The following MAML3 variants were observed in gnomAD, a reference collection of about 807,000 sequenced individuals.
MAML3 encodes mastermind-like protein 3.
In MAML3, 27 loss-of-function variants were observed where a neutral mutation model predicts 101.9. The observed-to-expected ratio is 0.27, with a 90% CI of 0.20 to 0.37. MAML3 has a LOEUF of 0.37. Ranked by LOEUF, MAML3 falls within the 10% of genes least tolerant of loss-of-function variation. The pLI is 1.00. For missense variants in MAML3, 1,316 were observed against 1,444.9 expected (o/e 0.91, Z 1.45); for synonymous variants, 501 against 555.9 (o/e 0.90, Z 1.39).
intron 1 of MAML3, among the ~76,000 whole-genome samples, chr4:140,123,004 C>G (rs183519782): frequency 6.6e-6 from 1 of 151,810 alleles, no homozygotes; most frequent in African/African-American, 2.4e-5. Flanking sequence ...CTCCTATTCT[C>G]TAGTAAACCA....
intron 1 of MAML3, among the ~76,000 whole-genome samples, chr4:139,994,786 G>GGTGTGT (rs59077923): frequency 2.7e-5 from 4 of 150,118 alleles, no homozygotes; most frequent in East Asian, 3.9e-4. Flanking sequence ...GCTGGTGGGG[G>GGTGTGT]GTGTGTGTGT....
At chr4:140,127,118 C>T (rs1013635117) in intron 1 of MAML3, among the ~76,000 whole-genome samples, 3 of 152,198 alleles carry the variant, frequency 2.0e-5, no homozygotes, top group South Asian at 2.1e-4. Context: ...TGCTTCTGAG[C>T]GTGGCAGATA....
At chr4:139,752,632 C>G (rs1018898985) in intron 2 of MAML3, among the ~76,000 whole-genome samples, 3 of 152,130 alleles carry the variant, frequency 2.0e-5, no homozygotes, top group African/African-American at 7.2e-5. Context: ...CTGTATTTTT[C>G]TAAATGATAA....
At chr4:140,078,787 A>C (rs954047548) in intron 1 of MAML3, among the ~76,000 whole-genome samples, 5 of 152,136 alleles carry the variant, frequency 3.3e-5, no homozygotes, top group African/African-American at 1.2e-4. Flanking sequence ...GCCGGACTCC[A>C]AGAAAAGGGA....
At chr4:140,018,185 G>A (rs138528542) in intron 1 of MAML3, among the ~76,000 whole-genome samples, 2 of 152,088 alleles carry the variant, frequency 1.3e-5, no homozygotes, top group African/African-American at 4.8e-5. Flanking sequence ...AAACCTCTGG[G>A]TGCTCCCCTT....
intron 1 of MAML3, among the ~76,000 whole-genome samples, chr4:139,912,638 A>G (rs1418885289): frequency 6.6e-6 from 1 of 152,148 alleles, no homozygotes; most frequent in Non-Finnish European, 1.5e-5. Flanking sequence ...AGCTGGTATC[A>G]TCTTATAAGA....
At chr4:140,018,016 A>T (rs569574405) in intron 1 of MAML3, among the ~76,000 whole-genome samples, 54 of 152,200 alleles carry the variant, frequency 3.5e-4, no homozygotes, top group African/African-American at 1.3e-3. Context: ...AATTTTAAAA[A>T]TACAAAAAGG....
In MAML3 at chr4:139,830,516, G is replaced by A. The variant is rs556502376; in HGVS notation, c.2079+58841C>T. ...TGCAAGCGCCGCCTCCCGGGTTCCC[G>A]CCATTCTCCTGCCTCAGCCTCCCAA... On this transcript the variant is annotated intron_variant, in intron 2 of 4. Coordinates refer to ENST00000509479, the MANE Select transcript of MAML3 (RefSeq NM_018717.5). Among the ~76,000 whole-genome samples, 191 of 145,822 alleles carry A rather than the reference G, an allele frequency of 1.3e-3. 2 individuals are homozygous for A. Among genetic ancestry groups the A allele is most frequent in the African/African-American group, 3.3e-3 (130 of 38,884 alleles).
intron 1 of MAML3, among the ~76,000 whole-genome samples, chr4:139,919,791 TTGGTAA>T (rs1733090418): frequency 2.6e-5 from 4 of 152,242 alleles, no homozygotes; most frequent in Non-Finnish European, 5.9e-5. Flanking sequence ...GGGATTAAGC[TTGGTAA>T]AGTCATGTAA....
chr4:139,927,661 G>A (rs1733292394), intron 1 of MAML3, among the ~76,000 whole-genome samples: 1 of 152,030 alleles, frequency 6.6e-6, no homozygotes, highest in Non-Finnish European at 1.5e-5. Context: ...ATGGACTTCT[G>A]GCTATTACGT....
chr4:140,014,919 G>A (rs1246805397), intron 1 of MAML3, among the ~76,000 whole-genome samples: 1 of 152,148 alleles, frequency 6.6e-6, no homozygotes, highest in African/African-American at 2.4e-5. Flanking sequence ...ACATCCAAGT[G>A]AGTTGGTCTG....
At chr4:139,932,748 T>C (rs1456704447) in intron 1 of MAML3, among the ~76,000 whole-genome samples, 1 of 152,230 alleles carries the variant, frequency 6.6e-6, no homozygotes, top group East Asian at 1.9e-4. Context: ...GTTCACCTGA[T>C]GGACAAACAA....
intron 1 of MAML3, among the ~76,000 whole-genome samples, chr4:140,004,554 A>T (rs1318805093): frequency 6.6e-6 from 1 of 152,024 alleles, no homozygotes; most frequent in African/African-American, 2.4e-5. Context: ...GGGGCAGGGG[A>T]GAGTAGTGAG....
chr4:140,081,770 G>A lies in MAML3; in HGVS notation c.468+71090C>T, dbSNP rs78860285. ...TGCACAACACCAGAGGATGTGAACCGTCTAGGCTGCCCGTAGATCTCCATA... is the reference window on the plus strand; with the variant it reads ...TGCACAACACCAGAGGATGTGAACCATCTAGGCTGCCCGTAGATCTCCATA... On this transcript the variant is annotated intron_variant, in intron 1 of 4. Coordinates refer to ENST00000509479, the MANE Select transcript of MAML3 (RefSeq NM_018717.5). 5.7e-3 allele frequency among the ~76,000 whole-genome samples: 873 copies of A among 152,294 alleles called. 8 individuals are homozygous for A. Among genetic ancestry groups the A allele is most frequent in the African/African-American group, 0.02 (822 of 41,558 alleles).
At chr4:140,037,284 AAACT>A (rs1296717228) in intron 1 of MAML3, among the ~76,000 whole-genome samples, 3 of 152,082 alleles carry the variant, frequency 2.0e-5, no homozygotes, top group African/African-American at 7.2e-5. Context: ...AACAAAAAAC[AAACT>A]AAGAACGGAT....
At chr4:139,878,799 T>C (rs545755590) in intron 2 of MAML3, among the ~76,000 whole-genome samples, 1 of 152,324 alleles carries the variant, frequency 6.6e-6, no homozygotes, top group East Asian at 1.9e-4. Context: ...CCTCTGTGCC[T>C]GAGAGCAGTC....
chr4:139,735,892 C>T lies in MAML3; in HGVS notation c.2080-5225G>A, dbSNP rs1448711003. 6.6e-6 allele frequency among the ~76,000 whole-genome samples: 1 copy of T among 151,712 alleles called. No individual in the cohort carries two copies. ...GCGCTCGGGAGACCCGCGAGGGGCC[C>T]TGGAGGTCCTCGGCCCGCGCGCGCC... On this transcript the variant is annotated intron_variant, in intron 2 of 4. Transcript: ENST00000509479. The surrounding 1 kb of genome is among the most constrained non-coding windows in gnomAD (Gnocchi z 5.8).
intron 1 of MAML3, among the ~76,000 whole-genome samples, chr4:140,090,353 C>G (rs1728022835): frequency 6.6e-6 from 1 of 152,174 alleles, no homozygotes; most frequent in African/African-American, 2.4e-5. Flanking sequence ...TTGTTGTTAT[C>G]TTTGTGATTC....
chr4:139,883,132 C>G (rs1560823487), intron 2 of MAML3, among the ~76,000 whole-genome samples: 1 of 152,242 alleles, frequency 6.6e-6, no homozygotes, highest in African/African-American at 2.4e-5. Flanking sequence ...TTCCGTTAAG[C>G]AGCAGACCAA....
Sources: gnomAD v4.1 joint callset for allele counts (sites outside exome capture counted in the v4.1 genomes callset) on GRCh38, gnomAD v4.1.1 for gene constraint, Gnocchi (gnomAD v3.1) non-coding constraint, MANE v1.5 for transcripts, NCBI Gene and HGNC (gene_info 2026-07-23, HGNC 2026-07-21) for gene names.